LVRN: variants seen among roughly 807,000 people sequenced by gnomAD.
The protein encoded by LVRN is aminopeptidase Q.
In LVRN, 99 loss-of-function variants were observed where a neutral mutation model predicts 111.4. The observed-to-expected ratio is 0.89, with a 90% CI of 0.76 to 1.05. The LOEUF is 1.05. LVRN is among the 50% of genes least tolerant of loss of function. The pLI, the probability that LVRN is intolerant of heterozygous loss-of-function variation, is 0.00. For missense variants in LVRN, 1,414 were observed against 1,206.8 expected (o/e 1.17, Z -2.54); for synonymous variants, 488 against 449.5 (o/e 1.09, Z -1.08).
intron 13 of LVRN, among the ~76,000 whole-genome samples, chr5:116,006,620 A>T (rs1314831101): frequency 6.6e-6 from 1 of 151,522 alleles, no homozygotes; most frequent in Non-Finnish European, 1.5e-5. Context: ...CATGTATCTG[A>T]CTCCTCTTCT....
intron 1 of LVRN, among the ~76,000 whole-genome samples, chr5:115,968,539 A>C (rs1213892864): frequency 6.6e-6 from 1 of 151,156 alleles, no homozygotes; most frequent in Non-Finnish European, 1.5e-5. Context: ...CTCAGGCCCA[A>C]GTGATCCTCT....
rs903563691 is a variant in LVRN, at chr5:115,998,103, C to T, written c.1375-1659C>T. On this transcript the variant is annotated intron_variant, in intron 6 of 19. Transcript: ENST00000357872. ...TAAAACAGCAAAAAGCTGAAAGTAA[C>T]TTAAATGTCTAGCTAATAAAAGGGA... 2.0e-5 allele frequency among the ~76,000 whole-genome samples: 3 copies of T among 152,146 alleles called. No homozygotes were observed. In the East Asian group the frequency reaches 5.8e-4, roughly 29 times the overall value.
At chr5:115,983,832 A>T (rs1043738551) in intron 2 of LVRN, among the ~76,000 whole-genome samples, 1 of 152,168 alleles carries the variant, frequency 6.6e-6, no homozygotes, top group South Asian at 2.1e-4. Context: ...TTTACATAAA[A>T]ATTTAAATGT....
chr5:116,011,785 AAT>A (rs1431169179), intron 14 of LVRN, among the ~76,000 whole-genome samples: 9 of 152,308 alleles, frequency 5.9e-5, no homozygotes, highest in African/African-American at 1.9e-4. Flanking sequence ...AAGTAAAACT[AAT>A]ATTTGTTTTC....
At chr5:116,025,338 G>C (rs77008216) in intron 19 of LVRN, among the ~76,000 whole-genome samples, 1 of 152,066 alleles carries the variant, frequency 6.6e-6, no homozygotes, top group East Asian at 1.9e-4. Context: ...ATAAGCGTTC[G>C]GAGTTCTAAT....
rs1457647367 is a variant in LVRN at position 116,026,076 on chromosome 5, G to A, written c.2931G>A (p.Lys977=). 6.2e-7 allele frequency: 1 copy of A among 1,613,906 alleles called. No individual in the cohort carries two copies. Among genetic ancestry groups the A allele is most frequent in the Non-Finnish European group, 8.5e-7 (1 of 1,179,854 alleles). ...AGAATGAAAATCTGAAAAACAAGAA[G>A]CTAAGTGCCAGGATAGCTGCGTGGC... ...TIKNENLKNK[K]LSARIAAWLR... Residue 977 remains lysine (K), a synonymous_variant, in exon 20 of 20, where the codon AAG becomes AAA. Transcript: ENST00000357872.
At chr5:115,994,530 C>G (rs918266790) in intron 6 of LVRN, among the ~76,000 whole-genome samples, 4 of 152,186 alleles carry the variant, frequency 2.6e-5, no homozygotes, top group Admixed American at 2.6e-4. Context: ...GCCTCGGCCT[C>G]CCAAAGTGCT....
chr5:116,020,969 AT>A (rs1748717484), intron 18 of LVRN: 2 of 152,188 alleles, frequency 1.3e-5, no homozygotes, highest in African/African-American at 4.8e-5. Flanking sequence ...GGGGTAAACT[AT>A]TCGTAATGCA....
At position 115,999,836 on chromosome 5, in the gene LVRN, C is replaced by A. The variant is rs998349089; in HGVS notation, c.1449C>A (p.Ala483=). ...ACGCCCTGGTGACTAGAGCTGTGGC[C>A]ATGAAGGTGGAAAATTTCAAAACAA... is the stretch of plus-strand genomic sequence containing the variant. The part of the protein sequence containing the change: ...EDHALVTRAV[A]MKVENFKTSE... Residue 483 remains alanine (A), a synonymous_variant, in exon 7 of 20, where the codon GCC becomes GCA. Coordinates refer to ENST00000357872, the MANE Select transcript of LVRN (RefSeq NM_173800.5). 6.2e-7 allele frequency: 1 copy of A among 1,613,484 alleles called. No homozygotes were observed. The highest frequency in any genetic ancestry group is 8.5e-7 in the Non-Finnish European group (1 of 1,179,650).
intron 1 of LVRN, among the ~76,000 whole-genome samples, chr5:115,963,665 A>C (rs1014006806): frequency 2.0e-5 from 3 of 152,294 alleles, no homozygotes; most frequent in African/African-American, 7.2e-5. Context: ...CAATGAGAAC[A>C]CTTGGACACA....
intron 10 of LVRN, 32 bp downstream of exon 10, chr5:116,001,271 T>C (rs1748233155): frequency 6.2e-7 from 1 of 1,608,456 alleles, no homozygotes; most frequent in Admixed American, 1.7e-5. Flanking sequence ...TGTCTTCACC[T>C]TCCTTGGGGT....
chr5:115,987,763 C>A, intron 3 of LVRN, 50 bp from the exon 4 acceptor site: 1 of 1,577,310 alleles, frequency 6.3e-7, no homozygotes. Flanking sequence ...CTACCTCTTT[C>A]CAAAATCACT....
chr5:116,000,781 C>G (rs1748221583), intron 9 of LVRN, 123 bp downstream of exon 9: 4 of 1,069,522 alleles, frequency 3.7e-6, no homozygotes, highest in Non-Finnish European at 5.5e-6. Flanking sequence ...TGTAGAACTC[C>G]CTTAGGTCAT....
intron 19 of LVRN, among the ~76,000 whole-genome samples, chr5:116,023,817 C>G (rs1748806810): frequency 6.6e-6 from 1 of 152,172 alleles, no homozygotes; most frequent in Middle Eastern, 3.2e-3. Flanking sequence ...CTCTTTTATC[C>G]TACTGGGAGG....
Position 116,026,606 on chromosome 5 carries a change from T to A in LVRN, c.*488T>A, listed in dbSNP as rs1169076189. The A allele has an allele frequency of 1.2e-5, 2 of 170,526 alleles. No homozygotes were observed. Among genetic ancestry groups the A allele is most frequent in the Non-Finnish European group, 2.5e-5 (2 of 80,832 alleles). The allele number at this position is 170,526 out of a possible 1,614,324, so 10.6% of individuals were successfully genotyped here. ...ACAGAAACTCAAAAAGTATATTCACTAGAAGACAGTGGAGCCAAAGAAAAG... is the reference window on the plus strand; with the variant it reads ...ACAGAAACTCAAAAAGTATATTCACAAGAAGACAGTGGAGCCAAAGAAAAG... On this transcript the variant is annotated 3_prime_UTR_variant, in exon 20 of 20. Transcript: ENST00000357872.
intron 1 of LVRN, among the ~76,000 whole-genome samples, chr5:115,964,117 A>G (rs1561551008): frequency 6.6e-6 from 1 of 152,220 alleles, no homozygotes; most frequent in African/African-American, 2.4e-5. Flanking sequence ...TGAGACCACA[A>G]TACTGTCCTC....
In LVRN at chr5:116,010,934, TCTC is replaced by T. The variant is rs1453290158; in HGVS notation, c.2247+41_2247+43del. The T allele has an allele frequency of 2.1e-6, 3 of 1,433,714 alleles. No homozygotes were observed. In the Admixed American group the frequency reaches 7.3e-5, roughly 35 times the overall value. The allele number at this position is 1,433,714 out of a possible 1,614,324, so 88.8% of individuals were successfully genotyped here. A position where few individuals can be genotyped will look rare whatever the true frequency, so the allele number is the denominator to read the frequency against. On this transcript the variant is annotated intron_variant, in intron 14 of 19. Coordinates refer to ENST00000357872, the MANE Select transcript of LVRN (RefSeq NM_173800.5). ...TCTTATGTAGTTTTTAAATAAATCC[TCTC>T]TTCTTCTTTTCATATTTTAGCCAGC...
intron 1 of LVRN, among the ~76,000 whole-genome samples, chr5:115,967,707 A>G (rs1052640707): frequency 2.0e-5 from 3 of 152,176 alleles, no homozygotes; most frequent in Non-Finnish European, 1.5e-5. Context: ...TAGCTTTGCT[A>G]TCCTTAATAT....
intron 1 of LVRN, among the ~76,000 whole-genome samples, chr5:115,982,350 CT>C (rs1753577714): frequency 6.6e-6 from 1 of 152,052 alleles, no homozygotes; most frequent in African/African-American, 2.4e-5. Context: ...TTGAATTCAC[CT>C]CTTATTTATC....
Sources: gnomAD v4.1 joint callset for allele counts (sites outside exome capture counted in the v4.1 genomes callset) on GRCh38, gnomAD v4.1.1 for gene constraint, MANE v1.5 for transcripts, NCBI Gene and HGNC (gene_info 2026-07-23, HGNC 2026-07-21) for gene names.